Variants in TMEM217 observed in about 807,000 individuals in gnomAD.
The protein encoded by TMEM217 is transmembrane protein 217, also known as chromosome 6 open reading frame 128.
For missense variants in TMEM217, 204 were observed against 248.8 expected, an observed-to-expected ratio of 0.82 and a Z score of 1.21; for synonymous variants, 76 against 88.3, an observed-to-expected ratio of 0.86 and a Z score of 0.78.
chr6:37,228,716 A>T (rs1307830683), intron 1 of TMEM217, among the ~76,000 whole-genome samples: 2 of 151,632 alleles, frequency 1.3e-5, no homozygotes, highest in Non-Finnish European at 1.5e-5. Flanking sequence ...TAATAATAAT[A>T]GCTGGGCGCA....
intron 1 of TMEM217, among the ~76,000 whole-genome samples, chr6:37,243,519 A>G (rs2113896190): frequency 6.6e-6 from 1 of 152,350 alleles, no homozygotes; most frequent in Non-Finnish European, 1.5e-5. Context: ...AGTTTAATTG[A>G]TATGAGGCTG....
At position 37,232,373 on chromosome 6, in the gene TMEM217, C is replaced by CTGTTT. The variant is rs1372546228; in HGVS notation, c.-11-13337_-11-13333dup. ...TAAAGGCCCTATGCAATAGTTTTTT[C>CTGTTT]TGTTTTGTTTTGTTTTGTTTTCTTT... is the stretch of plus-strand genomic sequence containing the variant. On this transcript the variant is annotated intron_variant, in intron 1 of 1. Transcript: ENST00000357219. Among the ~76,000 whole-genome samples, 696 of 151,996 alleles carry CTGTTT rather than the reference C, an allele frequency of 4.6e-3. 7 individuals are homozygous for CTGTTT. Among genetic ancestry groups the CTGTTT allele is most frequent in the African/African-American group, 0.016 (645 of 41,350 alleles).
In TMEM217 at chr6:37,232,183, G is replaced by A. The variant is rs546384822; in HGVS notation, c.-11-13142C>T. 6.6e-5 allele frequency among the ~76,000 whole-genome samples: 10 copies of A among 152,178 alleles called. No homozygotes were observed. The South Asian group carries it at 1.0e-3, about 16-fold the overall frequency. ...ATTAATGGGTACAAAAGGACGCTTC[G>A]TTCCAAAAAATAGAATTTTCCCAAG... On this transcript the variant is annotated intron_variant, in intron 1 of 1. Transcript: ENST00000357219.
downstream of TMEM217, among the ~76,000 whole-genome samples, chr6:37,213,556 T>A (rs367779211): frequency 6.6e-6 from 1 of 152,246 alleles, no homozygotes; most frequent in Non-Finnish European, 1.5e-5. Flanking sequence ...TAAAGGTTTA[T>A]GGATCCAGGC....
chr6:37,219,953 A>G (rs1357480152), intron 1 of TMEM217, among the ~76,000 whole-genome samples: 1 of 152,234 alleles, frequency 6.6e-6, no homozygotes, highest in Non-Finnish European at 1.5e-5. Flanking sequence ...AATATGGATT[A>G]CAGTGAAAGA....
chr6:37,242,412 T>C lies in TMEM217; in HGVS notation c.-12+15156A>G, dbSNP rs539904107. ...AATCAGCACTCCCTACTCATCCATA[T>C]CATCTAGATCTTTTCTTTGCCTTTA... is the stretch of plus-strand genomic sequence containing the variant. On this transcript the variant is annotated intron_variant, in intron 1 of 1. Transcript: ENST00000357219. Among the ~76,000 whole-genome samples, 3 of 152,352 alleles carry C rather than the reference T, an allele frequency of 2.0e-5. No homozygotes were observed. The South Asian group carries it at 6.2e-4, about 32-fold the overall frequency.
chr6:37,235,607 C>T (rs1764458460), intron 1 of TMEM217, among the ~76,000 whole-genome samples: 2 of 47,394 alleles, frequency 4.2e-5, no homozygotes, highest in Admixed American at 6.0e-4. Context: ...ACCTTGTGAT[C>T]CGTCCACCTT....
Position 37,238,167 on chromosome 6 carries a change from GA to G in TMEM217, c.-11-19127del, listed in dbSNP as rs66991206. 6.3e-3 allele frequency among the ~76,000 whole-genome samples: 931 copies of G among 148,494 alleles called. 7 individuals are homozygous for G. Among genetic ancestry groups the G allele is most frequent in the African/African-American group, 0.021 (862 of 40,556 alleles). ...TATATAAAGTAGAATTAAAAACACT[GA>G]AAAAAAAAAACCAAGGATAGTAACA... is the stretch of plus-strand genomic sequence containing the variant. On this transcript the variant is annotated intron_variant, in intron 1 of 1. Coordinates refer to ENST00000357219, the Ensembl canonical transcript of TMEM217.
At chr6:37,250,184 T>TACAA (rs1765322007) in intron 1 of TMEM217, among the ~76,000 whole-genome samples, 2 of 152,154 alleles carry the variant, frequency 1.3e-5, no homozygotes. Context: ...TACTTAAGGT[T>TACAA]ACAAACATAG....
At chr6:37,218,827 G>T in exon 2 of TMEM217, 2 of 1,614,190 alleles carry the variant, frequency 1.2e-6, no homozygotes, top group Non-Finnish European at 1.7e-6. Flanking sequence ...ACAGGAAGAG[G>T]ACGATTTTAA....
At chr6:37,255,921 T>C (rs1010966315) in intron 1 of TMEM217, among the ~76,000 whole-genome samples, 4 of 152,178 alleles carry the variant, frequency 2.6e-5, no homozygotes, top group African/African-American at 9.7e-5. Flanking sequence ...GAAACTGATA[T>C]AGAAAACAAA....
At chr6:37,252,135 C>T (rs921257877) in intron 1 of TMEM217, among the ~76,000 whole-genome samples, 4 of 152,160 alleles carry the variant, frequency 2.6e-5, no homozygotes, top group Non-Finnish European at 5.9e-5. Flanking sequence ...TCAGGTGATC[C>T]GCCTGCCTCG....
intron 1 of TMEM217, 24 bp from the exon 2 acceptor site, chr6:37,219,065 G>C (rs1039113667): frequency 6.3e-7 from 1 of 1,578,908 alleles, no homozygotes; most frequent in South Asian, 1.1e-5. Context: ...CAACATGAGG[G>C]AGAATTCTAG....
At chr6:37,249,741 G>T (rs1257770959) in intron 1 of TMEM217, among the ~76,000 whole-genome samples, 2 of 152,140 alleles carry the variant, frequency 1.3e-5, no homozygotes, top group Non-Finnish European at 2.9e-5. Context: ...CTCCAGTTTT[G>T]ATTTACTGGT....
chr6:37,227,554 C>A (rs887536165), intron 1 of TMEM217, among the ~76,000 whole-genome samples: 12 of 152,294 alleles, frequency 7.9e-5, no homozygotes, highest in African/African-American at 2.6e-4. Context: ...TCAAGCAATT[C>A]TCCTGCCTCA....
chr6:37,246,095 C>T (rs1227891022), intron 1 of TMEM217, among the ~76,000 whole-genome samples: 1 of 152,186 alleles, frequency 6.6e-6, no homozygotes, highest in East Asian at 1.9e-4. Context: ...AGCCACTGCG[C>T]CCGGCCAACA....
At chr6:37,240,353 C>T (rs1248585995) in intron 1 of TMEM217, among the ~76,000 whole-genome samples, 1 of 152,214 alleles carries the variant, frequency 6.6e-6, no homozygotes, top group Non-Finnish European at 1.5e-5. Context: ...TCCAAGCTCG[C>T]TCTCTCTGAC....
chr6:37,219,399 C>A (rs972132193), intron 1 of TMEM217, among the ~76,000 whole-genome samples: 112 of 152,260 alleles, frequency 7.4e-4, no homozygotes, highest in African/African-American at 2.5e-3. Context: ...TAGTAATTTT[C>A]GTATGTAGCC....
chr6:37,215,436 A>G (rs533132504), downstream of TMEM217, among the ~76,000 whole-genome samples: 12 of 152,038 alleles, frequency 7.9e-5, no homozygotes, highest in Non-Finnish European at 1.6e-4. Context: ...TTAGCTGGGC[A>G]TGGTGGCACG....
Sources: allele counts gnomAD v4.1 joint callset (sites outside exome capture counted in the v4.1 genomes callset), GRCh38; gene constraint gnomAD v4.1.1; transcripts MANE v1.5; gene names NCBI Gene and HGNC (gene_info 2026-07-23, HGNC 2026-07-21).